ADAMTS18: variants seen among roughly 807,000 people sequenced by gnomAD.
ADAMTS18 encodes A disintegrin and metalloproteinase with thrombospondin motifs 18.
ADAMTS18 carries 157 observed loss-of-function variants against 165.9 expected under a neutral mutation model. That is an observed-to-expected ratio of 0.95 (90% CI 0.83 to 1.08). ADAMTS18 has a LOEUF of 1.08. Among genes scored for constraint, ADAMTS18 ranks in the 50% least tolerant of loss-of-function variants. The pLI, the probability that ADAMTS18 is intolerant of heterozygous loss-of-function variation, is 0.00. For synonymous variants in ADAMTS18, 782 were observed against 578.2 expected, an observed-to-expected ratio of 1.35 and a Z score of -5.06; for missense variants, 2,040 against 1,534.0, an observed-to-expected ratio of 1.33 and a Z score of -5.51.
rs764323364 is a variant in ADAMTS18, at chr16:77,355,969, G to T, written c.1431C>A (p.Cys477Ter). ...GGAATTTCTTGAGATACTGGCGGCT[G>T]CAGGAAGACCATGAAAACACTCCAT... ...GNNGVFSWSS[C>*]SRQYLKKFLS... Residue 477 changes from cysteine (C) to a stop codon, truncating the protein, a stop_gained, in exon 9 of 23, where the codon TGC becomes TGA. Transcript: ENST00000282849. LOFTEE classifies it high-confidence loss of function. 1 of 1,614,086 alleles carries T rather than the reference G, an allele frequency of 6.2e-7. No homozygotes were observed. The highest frequency in any genetic ancestry group is 1.1e-5 in the South Asian group (1 of 91,072).
intron 3 of ADAMTS18, among the ~76,000 whole-genome samples, chr16:77,381,823 A>T (rs970284615): frequency 1.3e-5 from 2 of 152,086 alleles, no homozygotes; most frequent in Non-Finnish European, 1.5e-5. Context: ...TAATAAATAA[A>T]CAAATCAGAG....
chr16:77,354,026 T>C, intron 9 of ADAMTS18, 140 bp from the exon 10 acceptor site: 1 of 1,073,496 alleles, frequency 9.3e-7, no homozygotes, highest in Non-Finnish European at 1.4e-6. Flanking sequence ...AGTTCAAATC[T>C]ATGTTTATGC....
intron 3 of ADAMTS18, among the ~76,000 whole-genome samples, chr16:77,375,593 C>T (rs1304628770): frequency 6.6e-6 from 1 of 152,022 alleles, no homozygotes; most frequent in African/African-American, 2.4e-5. Flanking sequence ...AGCTAAGGAG[C>T]GGAAGGGGTG....
rs558096338 is a variant in ADAMTS18 at position 77,290,460 on chromosome 16, G to T, written c.3402+806C>A. 5 of 152,340 alleles carry T rather than the reference G, an allele frequency of 3.3e-5. No homozygotes were observed. In the East Asian group the frequency reaches 5.8e-4, roughly 18 times the overall value. The allele number at this position is 152,340 out of a possible 1,614,324, so 9.4% of individuals were successfully genotyped here. On this transcript the variant is annotated intron_variant, in intron 21 of 22. Coordinates refer to ENST00000282849, the MANE Select transcript of ADAMTS18 (RefSeq NM_199355.4). The stretch of plus-strand genomic sequence containing the variant: ...TAAAAAGAAATCCCCAGCAATATGT[G>T]TAACACCTAGCACAATGCCTGGCCA...
At chr16:77,286,402 C>A (rs570704014) in intron 22 of ADAMTS18, among the ~76,000 whole-genome samples, 3 of 152,096 alleles carry the variant, frequency 2.0e-5, no homozygotes, top group Non-Finnish European at 4.4e-5. Flanking sequence ...AGGTGGGAGC[C>A]GTGCCTGTTT....
At chr16:77,304,157 T>C (rs758567876) in intron 16 of ADAMTS18, among the ~76,000 whole-genome samples, 1 of 151,900 alleles carries the variant, frequency 6.6e-6, no homozygotes, top group Non-Finnish European at 1.5e-5. Context: ...CAAATCTCGG[T>C]GATGATTATA....
In ADAMTS18 at chr16:77,363,256, T is replaced by C. The variant is rs1252198699; in HGVS notation, c.1056+546A>G. On this transcript the variant is annotated intron_variant, in intron 6 of 22. Coordinates refer to ENST00000282849, the MANE Select transcript of ADAMTS18 (RefSeq NM_199355.4). ...CATGTTTGTGTCTTGCATCTTACTG[T>C]GATCAATCCAAGGACAGTTAAATAT... Among the ~76,000 whole-genome samples, 7 of 152,324 alleles carry C rather than the reference T, an allele frequency of 4.6e-5. No homozygotes were observed. The East Asian group carries it at 1.3e-3, about 29-fold the overall frequency.
intron 11 of ADAMTS18, among the ~76,000 whole-genome samples, chr16:77,341,436 A>G (rs1407875940): frequency 6.6e-6 from 1 of 152,128 alleles, no homozygotes. Context: ...GAAACCTGTA[A>G]GCTCATTGAA....
intron 3 of ADAMTS18, among the ~76,000 whole-genome samples, chr16:77,429,938 G>A (rs987636802): frequency 6.6e-6 from 1 of 152,136 alleles, no homozygotes; most frequent in Non-Finnish European, 1.5e-5. Flanking sequence ...ACTTAACACA[G>A]AGTTAAACAA....
chr16:77,409,019 T>C (rs1010589446), intron 3 of ADAMTS18, among the ~76,000 whole-genome samples: 3 of 148,896 alleles, frequency 2.0e-5, no homozygotes, highest in African/African-American at 7.4e-5. Context: ...TAATTTATGT[T>C]AAACTTTATC....
intron 3 of ADAMTS18, among the ~76,000 whole-genome samples, chr16:77,421,558 G>T (rs984655068): frequency 2.0e-5 from 3 of 152,214 alleles, no homozygotes; most frequent in Admixed American, 6.5e-5. Flanking sequence ...GTCTTCTGGA[G>T]AGAACTTTCT....
intron 3 of ADAMTS18, among the ~76,000 whole-genome samples, chr16:77,423,073 A>T: frequency 6.6e-6 from 1 of 152,306 alleles, no homozygotes; most frequent in African/African-American, 2.4e-5. Context: ...GAATGTTCAG[A>T]GGTGGGACCC....
intron 16 of ADAMTS18, among the ~76,000 whole-genome samples, chr16:77,302,188 T>C (rs552937292): frequency 5.2e-4 from 79 of 152,304 alleles, no homozygotes; most frequent in Middle Eastern, 3.4e-3. Context: ...TTTCATCTGA[T>C]ATTAAGTAAA....
At chr16:77,303,719 T>A (rs942606157) in intron 16 of ADAMTS18, among the ~76,000 whole-genome samples, 1 of 151,948 alleles carries the variant, frequency 6.6e-6, no homozygotes, top group African/African-American at 2.4e-5. Context: ...AAAAACACAG[T>A]CACAGTTATT....
chr16:77,374,413 A>T (rs2056920906), intron 3 of ADAMTS18, among the ~76,000 whole-genome samples: 1 of 152,072 alleles, frequency 6.6e-6, no homozygotes, highest in Non-Finnish European at 1.5e-5. Flanking sequence ...ACCTAACCTT[A>T]CAACTCCCTG....
intron 2 of ADAMTS18, 154 bp from the exon 3 acceptor site, chr16:77,431,765 C>G: frequency 1.2e-6 from 1 of 801,670 alleles, no homozygotes; most frequent in Non-Finnish European, 2.1e-6. Flanking sequence ...GCAGCACAGG[C>G]AGCAGAAGAC....
chr16:77,433,853 G>T (rs968774524), intron 2 of ADAMTS18, among the ~76,000 whole-genome samples: 20 of 152,134 alleles, frequency 1.3e-4, no homozygotes, highest in African/African-American at 4.8e-4. Flanking sequence ...TGTGGCTGGC[G>T]AACGTCAGAA....
chr16:77,291,046 C>T, intron 21 of ADAMTS18: 1 of 513,866 alleles, frequency 1.9e-6, no homozygotes, highest in Non-Finnish European at 3.5e-6. Flanking sequence ...AAAAACAAAT[C>T]AACTCTCCCA....
chr16:77,422,609 G>T (rs765893463), intron 3 of ADAMTS18, among the ~76,000 whole-genome samples: 1 of 151,426 alleles, frequency 6.6e-6, no homozygotes, highest in African/African-American at 2.4e-5. Context: ...AAGAAGAAAG[G>T]AGAGAAAAAA....
Sources: gnomAD v4.1 joint callset for allele counts (sites outside exome capture counted in the v4.1 genomes callset) on GRCh38, gnomAD v4.1.1 for gene constraint, MANE v1.5 for transcripts, NCBI Gene and HGNC (gene_info 2026-07-23, HGNC 2026-07-21) for gene names.